The following SPMAP2L variants were observed in gnomAD, a reference collection of about 807,000 sequenced individuals.
The protein encoded by SPMAP2L is sperm microtubule associated protein 2 like, also known as sperm microtubule associated protein 2-like.
the SPMAP2L span, among the ~76,000 whole-genome samples, chr4:56,621,161 T>A: frequency 6.6e-6 from 1 of 150,838 alleles, no homozygotes; most frequent in Admixed American, 6.6e-5. Context: ...ATTACTGTAC[T>A]ATTAATTTAG....
the SPMAP2L span, chr4:56,593,769 A>C: frequency 6.3e-7 from 1 of 1,580,038 alleles, no homozygotes; most frequent in Non-Finnish European, 8.7e-7. Context: ...AGGGAGCAAC[A>C]CACTGAGAGA....
At chr4:56,536,557 TG>T in the SPMAP2L span, among the ~76,000 whole-genome samples, 1 of 152,216 alleles carries the variant, frequency 6.6e-6, no homozygotes, top group African/African-American at 2.4e-5. Flanking sequence ...CAAGCTTGCC[TG>T]GAACAAGTCA....
the SPMAP2L span, chr4:56,593,953 C>T: frequency 1.9e-5 from 30 of 1,608,298 alleles, no homozygotes; most frequent in Middle Eastern, 2.0e-4. Flanking sequence ...TCCAGCATGA[C>T]GTGTTCTTTG....
At chr4:56,583,970 A>T in the SPMAP2L span, among the ~76,000 whole-genome samples, 3 of 147,288 alleles carry the variant, frequency 2.0e-5, no homozygotes, top group African/African-American at 5.0e-5. Flanking sequence ...TAAAATGTAA[A>T]TTTTTTTTTT....
chr4:56,551,171 C>A, the SPMAP2L span, among the ~76,000 whole-genome samples: 1 of 152,154 alleles, frequency 6.6e-6, no homozygotes, highest in South Asian at 2.1e-4. Flanking sequence ...GAGTTTGGAG[C>A]CCATTAAAGA....
At chr4:56,553,426 TA>T in the SPMAP2L span, among the ~76,000 whole-genome samples, 1 of 151,650 alleles carries the variant, frequency 6.6e-6, no homozygotes, top group East Asian at 1.9e-4. Context: ...CTCCTGTGCT[TA>T]AGTGATCCTC....
At chr4:56,617,753 T>C in the SPMAP2L span, among the ~76,000 whole-genome samples, 1 of 152,184 alleles carries the variant, frequency 6.6e-6, no homozygotes, top group East Asian at 1.9e-4. Flanking sequence ...CTTGCCTTGG[T>C]GTACCAGAAG....
chr4:56,624,217 A>T, the SPMAP2L span, among the ~76,000 whole-genome samples: 1 of 152,176 alleles, frequency 6.6e-6, no homozygotes, highest in Non-Finnish European at 1.5e-5. Context: ...TGAACTTGAG[A>T]GAGATGATTT....
the SPMAP2L span, chr4:56,594,399 C>A: frequency 6.3e-7 from 1 of 1,587,288 alleles, no homozygotes. Context: ...AACATCCACC[C>A]CTTTGTGCCT....
At chr4:56,530,617 T>C in the SPMAP2L span, 6 of 1,497,704 alleles carry the variant, frequency 4.0e-6, no homozygotes, top group South Asian at 1.3e-5. Flanking sequence ...GAGAGCAAAC[T>C]GCGCCTGGGC....
the SPMAP2L span, chr4:56,600,975 A>C: frequency 8.3e-5 from 127 of 1,535,294 alleles, no homozygotes; most frequent in Non-Finnish European, 1.1e-4. Flanking sequence ...GCCCCCGAAC[A>C]ATAGCTCTAG....
At chr4:56,599,027 A>G in the SPMAP2L span, among the ~76,000 whole-genome samples, 1 of 152,010 alleles carries the variant, frequency 6.6e-6, no homozygotes, top group Non-Finnish European at 1.5e-5. Context: ...TTCCGCCATG[A>G]TGGTGAGGCC....
chr4:56,534,061 T>C, the SPMAP2L span, among the ~76,000 whole-genome samples: 1 of 152,196 alleles, frequency 6.6e-6, no homozygotes, highest in African/African-American at 2.4e-5. Flanking sequence ...TTGAACCCCA[T>C]GTGCCCGTCC....
At chr4:56,611,041 C>G in the SPMAP2L span, among the ~76,000 whole-genome samples, 9 of 152,158 alleles carry the variant, frequency 5.9e-5, no homozygotes, top group Non-Finnish European at 1.2e-4. Flanking sequence ...GTGGAGATCC[C>G]TTAGAAAACT....
chr4:56,626,164 C>T, the SPMAP2L span, among the ~76,000 whole-genome samples: 1 of 152,170 alleles, frequency 6.6e-6, no homozygotes, highest in Non-Finnish European at 1.5e-5. Context: ...AAAGAAAAGG[C>T]CATAGCCTCC....
chr4:56,550,277 C>A, the SPMAP2L span, among the ~76,000 whole-genome samples: 1 of 151,992 alleles, frequency 6.6e-6, no homozygotes, highest in African/African-American at 2.4e-5. Flanking sequence ...TGTGAACCAC[C>A]ACACCTGGCT....
the SPMAP2L span, chr4:56,595,433 T>A: frequency 2.5e-6 from 4 of 1,607,108 alleles, no homozygotes; most frequent in Non-Finnish European, 3.4e-6. Context: ...ATGATCAGCA[T>A]TCGGCAGGAA....
the SPMAP2L span, chr4:56,594,113 C>T: frequency 5.1e-3 from 8,202 of 1,606,772 alleles, 270 homozygotes; most frequent in African/African-American, 0.084. Context: ...CGATTTGTTG[C>T]GGATCTTTGT....
At chr4:56,557,906 A>C in the SPMAP2L span, 1 of 152,172 alleles carries the variant, frequency 6.6e-6, no homozygotes, top group Non-Finnish European at 1.5e-5. Flanking sequence ...TCTGTTTATA[A>C]TATGCTACTT....
Sources: gnomAD v4.1 joint callset for allele counts (sites outside exome capture counted in the v4.1 genomes callset) on GRCh38, gnomAD v4.1.1 for gene constraint, MANE v1.5 for transcripts, NCBI Gene and HGNC (gene_info 2026-07-23, HGNC 2026-07-21) for gene names.